The following BDNF variants were observed in gnomAD, a reference collection of about 807,000 sequenced individuals.
BDNF encodes the protein neurotrophic factor BDNF precursor form.
A neutral mutation model predicts 19.5 loss-of-function variants in BDNF; 1 was observed. The observed-to-expected ratio is 0.05, with a 90% CI of 0.02 to 0.24. The LOEUF (loss-of-function observed/expected upper bound fraction) is 0.24. Ranked by LOEUF, BDNF falls within the 10% of genes least tolerant of loss-of-function variation. The pLI is 1.00. For synonymous variants in BDNF, 100 were observed against 121.6 expected, an observed-to-expected ratio of 0.82 and a Z score of 1.17; for missense variants, 195 against 317.6, an observed-to-expected ratio of 0.61 and a Z score of 2.93.
intron 1 of BDNF, among the ~76,000 whole-genome samples, chr11:27,686,946 T>C (rs536919028): frequency 1.0e-3 from 158 of 152,338 alleles, no homozygotes; most frequent in African/African-American, 3.8e-3. Flanking sequence ...ATTTGAATGT[T>C]GGCTTGTCTT....
At chr11:27,671,721 C>A (rs1855408736) in intron 1 of BDNF, among the ~76,000 whole-genome samples, 1 of 152,146 alleles carries the variant, frequency 6.6e-6, no homozygotes, top group South Asian at 2.1e-4. Context: ...AACCTTACTT[C>A]TCAATGTTGA....
chr11:27,669,569 C>G (rs1854985548), intron 1 of BDNF, among the ~76,000 whole-genome samples: 1 of 152,160 alleles, frequency 6.6e-6, no homozygotes, highest in Non-Finnish European at 1.5e-5. Context: ...TCTCAGGATA[C>G]AAAATCAATG....
rs1204437757 is a variant in BDNF at position 27,699,684 on chromosome 11, G to T, written c.-22+480C>A. 4.4e-5 allele frequency: 62 copies of T among 1,408,316 alleles called. No individual in the cohort carries two copies. In the East Asian group the frequency reaches 1.6e-3, roughly 36 times the overall value. 87.2% of individuals were successfully genotyped at this position (1,408,316 alleles called of 1,614,324 possible). ...TAGCCGTGTGCAGCTCCGGGGAAGGGATGCGGGCTGAAGGCGCAAGCTTCC... is the reference window on the plus strand; with the variant it reads ...TAGCCGTGTGCAGCTCCGGGGAAGGTATGCGGGCTGAAGGCGCAAGCTTCC... On this transcript the variant is annotated intron_variant, in intron 1 of 1. Coordinates refer to ENST00000356660, the MANE Select transcript of BDNF (RefSeq NM_001709.5).
chr11:27,672,009 C>T (rs1392295882), intron 1 of BDNF, among the ~76,000 whole-genome samples: 1 of 152,082 alleles, frequency 6.6e-6, no homozygotes, highest in Non-Finnish European at 1.5e-5. Flanking sequence ...GTCATCTTTC[C>T]TCTTTGGTTC....
At chr11:27,689,503 G>A (rs991870244) in intron 1 of BDNF, among the ~76,000 whole-genome samples, 6 of 152,126 alleles carry the variant, frequency 3.9e-5, no homozygotes, top group African/African-American at 9.7e-5. Flanking sequence ...GTGAAATCAC[G>A]TAGGAATCGT....
chr11:27,664,860 C>A (rs368096364), intron 1 of BDNF, among the ~76,000 whole-genome samples: 18 of 152,302 alleles, frequency 1.2e-4, no homozygotes, highest in East Asian at 5.8e-4. Context: ...TCACATCGAA[C>A]CTTGCCCTCA....
chr11:27,685,385 G>A (rs1857355377), intron 1 of BDNF, among the ~76,000 whole-genome samples: 1 of 152,022 alleles, frequency 6.6e-6, no homozygotes, highest in Admixed American at 6.6e-5. Context: ...GGTTTTTTGT[G>A]TCTCTAATCT....
At chr11:27,694,316 G>A (rs1463630915) in intron 1 of BDNF, among the ~76,000 whole-genome samples, 1 of 152,102 alleles carries the variant, frequency 6.6e-6, no homozygotes, top group Non-Finnish European at 1.5e-5. Flanking sequence ...AATAGGTACT[G>A]GGGAAAAATA....
intron 1 of BDNF, among the ~76,000 whole-genome samples, chr11:27,706,064 G>C (rs1163161079): frequency 6.6e-6 from 1 of 152,152 alleles, no homozygotes; most frequent in Non-Finnish European, 1.5e-5. Flanking sequence ...GTGGCCAGGG[G>C]GTGGTAGTGA....
intron 1 of BDNF, among the ~76,000 whole-genome samples, chr11:27,711,808 A>G (rs1480771324): frequency 6.6e-6 from 1 of 152,240 alleles, no homozygotes; most frequent in African/African-American, 2.4e-5. Flanking sequence ...ACATCATTAT[A>G]ATTTCCCATG....
intron 1 of BDNF, among the ~76,000 whole-genome samples, chr11:27,690,523 G>T (rs1858110120): frequency 6.6e-6 from 1 of 151,974 alleles, no homozygotes; most frequent in African/African-American, 2.4e-5. Flanking sequence ...AGTTAATGAT[G>T]CCAAACTGTG....
chr11:27,700,091 G>A, intron 1 of BDNF, 73 bp downstream of exon 1: 3 of 984,930 alleles, frequency 3.0e-6, no homozygotes, highest in Non-Finnish European at 3.6e-6. Flanking sequence ...TTTGGGGTGG[G>A]GGATCCCCCA....
chr11:27,655,161 C>T lies in BDNF; in HGVS notation c.*2660G>A, dbSNP rs1035138256. Reference sequence around the variant, plus strand: ...ATTTACTTACATTTTCAATGGGAATCGCCATAAAAAAGCAACAGGCCTGCT... The same window carrying T: ...ATTTACTTACATTTTCAATGGGAATTGCCATAAAAAAGCAACAGGCCTGCT... On this transcript the variant is annotated 3_prime_UTR_variant, in exon 2 of 2. Transcript: ENST00000356660. 4 of 152,176 alleles carry T rather than the reference C, an allele frequency of 2.6e-5. No individual in the cohort carries two copies. The highest frequency in any genetic ancestry group is 7.3e-5 in the African/African-American group (3 of 41,378). 9.4% of individuals were successfully genotyped at this position (152,176 alleles called of 1,614,324 possible). A position where few individuals can be genotyped will look rare whatever the true frequency, so the allele number is the denominator to read the frequency against.
At chr11:27,698,093 A>T (rs1466786596) in intron 1 of BDNF, 1 of 152,114 alleles carries the variant, frequency 6.6e-6, no homozygotes, top group Non-Finnish European at 1.5e-5. Flanking sequence ...AAAAAAGACA[A>T]CGACTTTATG....
intron 1 of BDNF, among the ~76,000 whole-genome samples, chr11:27,705,461 A>G (rs1405808547): frequency 3.3e-5 from 5 of 152,234 alleles, no homozygotes; most frequent in Non-Finnish European, 7.3e-5. Context: ...CATGAAAAAA[A>G]TGAAAAAGAA....
At chr11:27,709,440 T>G (rs183108468) in intron 1 of BDNF, among the ~76,000 whole-genome samples, 93 of 152,332 alleles carry the variant, frequency 6.1e-4, no homozygotes, top group Non-Finnish European at 7.4e-5. Flanking sequence ...CTGATTAGAA[T>G]GCTATTAAAG....
At chr11:27,710,985 C>G (rs1198782683) in intron 1 of BDNF, among the ~76,000 whole-genome samples, 1 of 152,044 alleles carries the variant, frequency 6.6e-6, no homozygotes, top group Non-Finnish European at 1.5e-5. Flanking sequence ...ATACTTATGT[C>G]TGGATCATTC....
exon 1 of BDNF, chr11:27,721,712 G>C: frequency 3.9e-6 from 2 of 515,626 alleles, no homozygotes; most frequent in East Asian, 6.8e-5. Context: ...GAGTTCTTAC[G>C]TGATTCTAAT....
At chr11:27,688,400 C>T (rs905136619) in intron 1 of BDNF, among the ~76,000 whole-genome samples, 1 of 152,204 alleles carries the variant, frequency 6.6e-6, no homozygotes, top group East Asian at 1.9e-4. Context: ...CCTTCAGCCC[C>T]TTTCCGGGGG....
Sources: allele counts gnomAD v4.1 joint callset (sites outside exome capture counted in the v4.1 genomes callset), GRCh38; gene constraint gnomAD v4.1.1; transcripts MANE v1.5; gene names NCBI Gene and HGNC (gene_info 2026-07-23, HGNC 2026-07-21).